ADAM10: variants seen among roughly 807,000 people sequenced by gnomAD.
ADAM10 encodes the protein disintegrin and metalloproteinase domain-containing protein 10.
Under a neutral mutation model 90.1 loss-of-function variants are expected in ADAM10, and 17 were observed. That is an observed-to-expected ratio of 0.19 (90% CI 0.13 to 0.28). The LOEUF is 0.28. Ranked by LOEUF, ADAM10 falls within the 10% of genes least tolerant of loss-of-function variation. The probability of loss-of-function intolerance (pLI) is 1.00; values close to 1 mark genes in which losing one functional copy is unlikely to be tolerated. For synonymous variants in ADAM10, 310 were observed against 298.6 expected (o/e 1.04, Z -0.40); for missense variants, 610 against 914.3 (o/e 0.67, Z 4.29).
intron 4 of ADAM10, among the ~76,000 whole-genome samples, chr15:58,669,970 A>T (rs1897158018): frequency 6.6e-6 from 1 of 152,128 alleles, no homozygotes; most frequent in Non-Finnish European, 1.5e-5. Context: ...TAGAGGAGAG[A>T]AGAATTACAC....
chr15:58,633,830 CAT>C (rs778709550), intron 8 of ADAM10, among the ~76,000 whole-genome samples: 25 of 147,030 alleles, frequency 1.7e-4, no homozygotes, highest in Non-Finnish European at 3.0e-4. Flanking sequence ...CACATGAGCA[CAT>C]GATTCCCTGT....
intron 1 of ADAM10, among the ~76,000 whole-genome samples, chr15:58,725,489 T>C (rs146862993): frequency 6.6e-6 from 1 of 151,574 alleles, no homozygotes; most frequent in South Asian, 2.1e-4. Flanking sequence ...AAGGTTGCAG[T>C]GAGCTATGAT....
intron 14 of ADAM10, among the ~76,000 whole-genome samples, chr15:58,604,343 T>C (rs1225233153): frequency 2.0e-5 from 3 of 152,198 alleles, no homozygotes; most frequent in Non-Finnish European, 4.4e-5. Context: ...CCTAGGTGGC[T>C]GAGTGAGACT....
rs1317281449 is a variant in ADAM10, at chr15:58,611,795, G to A, written c.1695+13C>T. On this transcript the variant is annotated intron_variant, in intron 12 of 15. Transcript: ENST00000260408. ...CTAAAATTAAATTTTAAAACATATA[G>A]TTAAATGCTTACCCCATTAATGCAC... 3 of 1,613,190 alleles carry A rather than the reference G, an allele frequency of 1.9e-6. No homozygotes were observed. Among genetic ancestry groups the A allele is most frequent in the Non-Finnish European group, 2.5e-6 (3 of 1,179,308 alleles).
rs1436213014 is a variant in ADAM10, at chr15:58,655,745, T to C, written c.585+9352A>G. 4.6e-3 allele frequency among the ~76,000 whole-genome samples: 382 copies of C among 83,542 alleles called. 4 individuals are homozygous for C. The highest frequency in any genetic ancestry group is 0.031 in the African/African-American group (358 of 11,546). 54.8% of individuals were successfully genotyped at this position (83,542 alleles called of 152,430 possible). On this transcript the variant is annotated intron_variant, in intron 5 of 15. Coordinates refer to ENST00000260408, the MANE Select transcript of ADAM10 (RefSeq NM_001110.4). ...TATATATATATATATATATATTCTT[T>C]TTTTTTTTTTTTTTTTTTTGAAACA...
chr15:58,646,068 G>A lies in ADAM10; in HGVS notation c.722C>T (p.Ala241Val). ...LFFKYYGTREAVIAQISSHVK... is the reference protein window; with the variant it reads ...LFFKYYGTREVVIAQISSHVK... ...AATCATAAATACCTGGGCAATCACA[G>A]CTTCTCGTGTTCCGTAATATTTAAA... Residue 241 changes from alanine to valine, a missense_variant, in exon 6 of 16, where the codon GCT becomes GTT. Ala to Val is a moderately conservative substitution (Grantham distance 64). Around this residue, in one of 4 missense-constraint regions of ADAM10, gnomAD observed 310 missense variants for 362.4 expected, o/e 0.86. Transcript: ENST00000260408. The A allele has an allele frequency of 6.2e-7, 1 of 1,613,544 alleles. No individual in the cohort carries two copies. Among genetic ancestry groups the A allele is most frequent in the Non-Finnish European group, 8.5e-7 (1 of 1,179,752 alleles).
chr15:58,716,596 T>C lies in ADAM10; in HGVS notation c.206+981A>G, dbSNP rs544645180. On this transcript the variant is annotated intron_variant, in intron 2 of 15. Transcript: ENST00000260408. ...TTAGAATAATAGACTAGGATTAATT[T>C]ACAGAGAAACTTAAAAGTCAAATTA... Among the ~76,000 whole-genome samples, 12 of 152,294 alleles carry C rather than the reference T, an allele frequency of 7.9e-5. No homozygotes were observed. The South Asian group carries it at 1.7e-3, about 21-fold the overall frequency.
chr15:58,707,987 G>A (rs1330323616), intron 2 of ADAM10, among the ~76,000 whole-genome samples: 1 of 152,080 alleles, frequency 6.6e-6, no homozygotes, highest in Non-Finnish European at 1.5e-5. Flanking sequence ...TGAGGCACAA[G>A]GATCACTGGA....
intron 4 of ADAM10, among the ~76,000 whole-genome samples, chr15:58,672,004 G>C (rs1897203592): frequency 6.6e-6 from 1 of 151,856 alleles, no homozygotes; most frequent in South Asian, 2.1e-4. Context: ...TTAGAGTGTT[G>C]AATCTAGTGC....
At position 58,643,891 on chromosome 15, in the gene ADAM10, T is replaced by G; in HGVS notation, c.823A>C (p.Ile275Leu). The G allele has an allele frequency of 6.2e-7, 1 of 1,609,654 alleles. No homozygotes were observed. The highest frequency in any genetic ancestry group is 1.3e-5 in the African/African-American group (1 of 74,960). The change falls in exon 7 of 16, where the codon ATA becomes CTA. Residue 275 changes from isoleucine (I) to leucine (L), a missense_variant. This residue lies in a region of ADAM10 where 310 missense variants were observed against 362.4 expected (regional missense o/e 0.86). Transcript: ENST00000260408. ...TAACTATTTAAGTTCCTTACTCTTA[T>G]GCGTTTCACCATGAAACTGATGTTA... ...IRNISFMVKRIRINTTADEKD... is the reference protein window; with the variant it reads ...IRNISFMVKRLRINTTADEKD...
At chr15:58,603,042 A>G (rs1167956851) in intron 14 of ADAM10, among the ~76,000 whole-genome samples, 1 of 152,214 alleles carries the variant, frequency 6.6e-6, no homozygotes, top group African/African-American at 2.4e-5. Flanking sequence ...TCTGGCTTGG[A>G]ATTTAAAACT....
intron 2 of ADAM10, chr15:58,691,931 C>T (rs1012603381): frequency 9.5e-5 from 37 of 390,940 alleles, no homozygotes; most frequent in Non-Finnish European, 1.3e-4. Flanking sequence ...CCGCCTCAGC[C>T]TCCCAAAGTG....
At chr15:58,613,786 T>A (rs962232424) in intron 11 of ADAM10, among the ~76,000 whole-genome samples, 2 of 152,180 alleles carry the variant, frequency 1.3e-5, no homozygotes, top group Admixed American at 1.3e-4. Context: ...ATAAGACTTA[T>A]GGGACACCAC....
At chr15:58,610,031 G>T (rs1895394679) in intron 14 of ADAM10, 3 of 442,548 alleles carry the variant, frequency 6.8e-6, no homozygotes, top group Non-Finnish European at 1.2e-5. Context: ...ACCAAAAGAA[G>T]TAACCCATCC....
At chr15:58,621,055 G>T (rs1895767873) in intron 11 of ADAM10, among the ~76,000 whole-genome samples, 1 of 151,660 alleles carries the variant, frequency 6.6e-6, no homozygotes, top group Non-Finnish European at 1.5e-5. Flanking sequence ...ACTATTAAAA[G>T]TAGTCCAAAC....
intron 2 of ADAM10, among the ~76,000 whole-genome samples, chr15:58,702,596 T>C (rs964910434): frequency 1.3e-5 from 2 of 152,244 alleles, no homozygotes; most frequent in East Asian, 3.8e-4. Flanking sequence ...GTATTATGTA[T>C]TTAAATTTTT....
At chr15:58,732,052 G>T (rs535526030) in intron 1 of ADAM10, 2 of 152,168 alleles carry the variant, frequency 1.3e-5, no homozygotes, top group Admixed American at 1.3e-4. Context: ...TCACTAGCAG[G>T]AAGGGTGGAA....
At chr15:58,735,921 T>C (rs1899415937) in intron 1 of ADAM10, among the ~76,000 whole-genome samples, 1 of 152,174 alleles carries the variant, frequency 6.6e-6, no homozygotes. Flanking sequence ...ATAAAGACTT[T>C]AACAGTGGAG....
chr15:58,689,104 CT>C (rs1203031032), intron 2 of ADAM10, among the ~76,000 whole-genome samples: 4 of 152,172 alleles, frequency 2.6e-5, no homozygotes, highest in African/African-American at 9.7e-5. Context: ...ACCACAGTCA[CT>C]GCTGAAAATC....
Sources: allele counts gnomAD v4.1 joint callset (sites outside exome capture counted in the v4.1 genomes callset), GRCh38; gene constraint gnomAD v4.1.1; regional missense constraint gnomAD v4.1.1; transcripts MANE v1.5; gene names NCBI Gene and HGNC (gene_info 2026-07-23, HGNC 2026-07-21).